The following FMO1 variants were observed in gnomAD, a reference collection of about 807,000 sequenced individuals.
FMO1 encodes the protein flavin containing dimethylaniline monoxygenase 1.
Under a neutral mutation model 45.4 loss-of-function variants are expected in FMO1, and 36 were observed. The ratio of observed to expected loss-of-function variants is 0.79; its 90% CI spans 0.61 to 1.05. FMO1 has a LOEUF of 1.05. Among genes scored for constraint, FMO1 ranks in the 50% least tolerant of loss-of-function variants. FMO1 has a pLI of 0.00. For synonymous variants in FMO1, 228 were observed against 227.2 expected (o/e 1.00, Z -0.03); for missense variants, 615 against 640.3 (o/e 0.96, Z 0.43).
Position 171,267,691 on chromosome 1 carries a change from A to T in FMO1, c.281A>T (p.Tyr94Phe). The part of the protein sequence containing the change: ...NSQFLEYLKM[Y>F]ANHFDLLKHI... ...CAATTCCTGGAATATCTCAAAATGT[A>T]TGCAAACCACTTTGACCTTCTGAAA... is the stretch of plus-strand genomic sequence containing the variant. The change falls in exon 3 of 9, where the codon TAT (tyrosine) becomes TTT (phenylalanine). Residue 94 changes from tyrosine (Y) to phenylalanine (F), a missense_variant. Coordinates refer to ENST00000617670, the MANE Select transcript of FMO1 (RefSeq NM_001282693.2). The T allele has an allele frequency of 1.2e-6, 2 of 1,613,596 alleles. No homozygotes were observed. The highest frequency in any genetic ancestry group is 1.7e-6 in the Non-Finnish European group (2 of 1,179,782).
In FMO1 at chr1:171,248,522, C is replaced by T. The variant is rs927282139; in HGVS notation, c.-108C>T. 1.3e-5 allele frequency: 2 copies of T among 152,192 alleles called. No homozygotes were observed. The highest frequency in any genetic ancestry group is 6.5e-5 in the Admixed American group (1 of 15,288). 9.4% of individuals were successfully genotyped at this position (152,192 alleles called of 1,614,324 possible). On this transcript the variant is annotated 5_prime_UTR_variant, in exon 1 of 9. Coordinates refer to ENST00000617670, the MANE Select transcript of FMO1 (RefSeq NM_001282693.2). Reference sequence around the variant, plus strand: ...CCAGGTTTATCCACTGTGCTGGGGACTCCCAAGCCAGCACTGGCTCATACT... The same window carrying T: ...CCAGGTTTATCCACTGTGCTGGGGATTCCCAAGCCAGCACTGGCTCATACT...
intron 4 of FMO1, among the ~76,000 whole-genome samples, chr1:171,277,596 A>G (rs888707872): frequency 1.3e-5 from 2 of 152,138 alleles, no homozygotes; most frequent in Non-Finnish European, 2.9e-5. Flanking sequence ...TGACCCCCCA[A>G]AACAAAGCCT....
chr1:171,264,915 A>T (rs1383340297), intron 2 of FMO1, among the ~76,000 whole-genome samples: 2 of 151,574 alleles, frequency 1.3e-5, no homozygotes, highest in African/African-American at 4.8e-5. Context: ...AAACAAAAAC[A>T]AAAGAAATGC....
intron 2 of FMO1, among the ~76,000 whole-genome samples, chr1:171,260,734 C>A (rs1660342755): frequency 6.6e-6 from 1 of 151,676 alleles, no homozygotes. Context: ...AGTTCGAGAC[C>A]AGCCTGGTCA....
intron 8 of FMO1, among the ~76,000 whole-genome samples, chr1:171,283,691 G>C (rs1661489795): frequency 1.3e-5 from 2 of 151,852 alleles, no homozygotes; most frequent in African/African-American, 2.4e-5. Context: ...ATTTATAATT[G>C]GCTGGAAAAA....
chr1:171,271,280 G>T, intron 3 of FMO1: 1 of 1,233,752 alleles, frequency 8.1e-7, no homozygotes, highest in Admixed American at 2.1e-5. Context: ...GAGCAGAACA[G>T]GAAAAAGGCT....
intron 2 of FMO1, among the ~76,000 whole-genome samples, chr1:171,264,113 T>G (rs1387713759): frequency 1.3e-5 from 2 of 152,118 alleles, no homozygotes; most frequent in Admixed American, 6.5e-5. Context: ...CAGGCTTCAG[T>G]GTTTCCTGGA....
chr1:171,258,359 C>A, intron 2 of FMO1, 140 bp downstream of exon 2: 1 of 978,270 alleles, frequency 1.0e-6, no homozygotes, highest in Non-Finnish European at 1.5e-6. Context: ...CCATGAGGAG[C>A]CACTGAAATT....
intron 4 of FMO1, among the ~76,000 whole-genome samples, chr1:171,278,444 T>A (rs1160868549): frequency 6.6e-6 from 1 of 152,226 alleles, no homozygotes; most frequent in Non-Finnish European, 1.5e-5. Flanking sequence ...TGACTCCTTA[T>A]ACTTTTGCTT....
intron 2 of FMO1, among the ~76,000 whole-genome samples, chr1:171,260,605 G>A (rs1481966776): frequency 6.6e-6 from 1 of 152,104 alleles, no homozygotes; most frequent in Non-Finnish European, 1.5e-5. Context: ...AGAGGGTGTG[G>A]GGGTGGCAAA....
intron 7 of FMO1, chr1:171,282,845 G>C: frequency 3.1e-6 from 1 of 317,594 alleles, no homozygotes. Context: ...GAATCAACTG[G>C]CTCAATTAAA....
intron 1 of FMO1, among the ~76,000 whole-genome samples, chr1:171,253,002 C>T (rs16864243): frequency 0.03 from 4,497 of 152,236 alleles, 232 homozygotes; most frequent in African/African-American, 0.1. Context: ...TGATATTGTG[C>T]GCCTCCACAT....
At chr1:171,267,253 G>A (rs748487488) in intron 2 of FMO1, among the ~76,000 whole-genome samples, 5 of 152,052 alleles carry the variant, frequency 3.3e-5, no homozygotes, top group African/African-American at 4.8e-5. Context: ...TATTTAGAAC[G>A]TTCAGTAGAT....
rs75450187 is a variant in FMO1, at chr1:171,281,641, A to G, written c.828-337A>G. ...GCTTTCAGAAGTTCTCAGCCACTCTAGAAGTCCCTGGTTTCCCTTGTAGCC... is the reference window on the plus strand; with the variant it reads ...GCTTTCAGAAGTTCTCAGCCACTCTGGAAGTCCCTGGTTTCCCTTGTAGCC... On this transcript the variant is annotated intron_variant, in intron 6 of 8. Coordinates refer to ENST00000617670, the MANE Select transcript of FMO1 (RefSeq NM_001282693.2). 5.0e-3 allele frequency among the ~76,000 whole-genome samples: 760 copies of G among 152,322 alleles called. 6 individuals are homozygous for G. The highest frequency in any genetic ancestry group is 0.015 in the African/African-American group (616 of 41,574).
Position 171,285,418 on chromosome 1 carries a change from G to A in FMO1, c.1473G>A (p.Gln491=). ...WEGARNAIMT[Q]WDRTFKVIKA... is the part of the protein sequence containing the mutation. The stretch of plus-strand genomic sequence containing the variant: ...GAGCCAGAAATGCCATCATGACCCA[G>A]TGGGACCGAACATTCAAGGTCATCA... The change falls in exon 9 of 9, where the codon CAG becomes CAA. Residue 491 remains glutamine (Q), a synonymous_variant. Coordinates refer to ENST00000617670, the MANE Select transcript of FMO1 (RefSeq NM_001282693.2). 4 of 1,611,928 alleles carry A rather than the reference G, an allele frequency of 2.5e-6. No individual in the cohort carries two copies. The highest frequency in any genetic ancestry group is 3.4e-6 in the Non-Finnish European group (4 of 1,179,076).
chr1:171,266,373 A>C (rs958341836), intron 2 of FMO1, among the ~76,000 whole-genome samples: 6 of 152,340 alleles, frequency 3.9e-5, no homozygotes, highest in Admixed American at 2.6e-4. Context: ...ATTGCTCTGC[A>C]GACTATGTTT....
chr1:171,267,752 T>TAGTAGTC (rs1222413195), intron 3 of FMO1, 21 bp downstream of exon 3: 2 of 1,574,664 alleles, frequency 1.3e-6, no homozygotes, highest in Non-Finnish European at 1.7e-6. Flanking sequence ...AAACATCAGT[T>TAGTAGTC]AGTAGTCAGA....
intron 6 of FMO1, 80 bp from the exon 7 acceptor site, chr1:171,281,898 G>A (rs749661230): frequency 1.8e-5 from 14 of 760,784 alleles, no homozygotes; most frequent in Non-Finnish European, 2.7e-5. Flanking sequence ...GCCCCAGAAT[G>A]AGAGAGGGAG....
chr1:171,270,044 C>T (rs1162178758), intron 3 of FMO1, among the ~76,000 whole-genome samples: 14 of 152,252 alleles, frequency 9.2e-5, no homozygotes, highest in South Asian at 2.1e-4. Context: ...TTTAAGCTCA[C>T]GCTTTTGGGG....
Sources: allele counts gnomAD v4.1 joint callset (sites outside exome capture counted in the v4.1 genomes callset), GRCh38; gene constraint gnomAD v4.1.1; transcripts MANE v1.5; gene names NCBI Gene and HGNC (gene_info 2026-07-23, HGNC 2026-07-21).